NDUFAF6: variants seen among roughly 807,000 people sequenced by gnomAD.
NDUFAF6 encodes the protein NADH dehydrogenase (ubiquinone) complex I, assembly factor 6.
NDUFAF6 carries 45 observed loss-of-function variants against 40.8 expected under a neutral mutation model. That is an observed-to-expected ratio of 1.10 (90% CI 0.87 to 1.42). NDUFAF6 has a LOEUF of 1.42. Among genes scored for constraint, NDUFAF6 ranks in the 40% most tolerant of loss-of-function variants. The pLI, the probability that NDUFAF6 is intolerant of heterozygous loss-of-function variation, is 0.00. For synonymous variants in NDUFAF6, 185 were observed against 155.9 expected, an observed-to-expected ratio of 1.19 and a Z score of -1.39; for missense variants, 435 against 418.5, an observed-to-expected ratio of 1.04 and a Z score of -0.34.
intron 2 of NDUFAF6, among the ~76,000 whole-genome samples, chr8:95,094,251 C>T (rs554609484): frequency 2.0e-5 from 3 of 152,252 alleles, no homozygotes; most frequent in East Asian, 3.9e-4. Context: ...GGATTATAGG[C>T]GTGAGCCACC....
chr8:95,085,936 TC>T (rs1455394161), intron 2 of NDUFAF6, among the ~76,000 whole-genome samples: 2 of 152,210 alleles, frequency 1.3e-5, no homozygotes, highest in Non-Finnish European at 2.9e-5. Flanking sequence ...TGATCTATTC[TC>T]CTAGTATTTG....
At chr8:95,016,945 T>C (rs1827477974) in intron 2 of NDUFAF6, among the ~76,000 whole-genome samples, 1 of 149,026 alleles carries the variant, frequency 6.7e-6, no homozygotes, top group South Asian at 2.2e-4. Flanking sequence ...TTTTTTTTTT[T>C]TTTTTTGAGA....
intron 8 of NDUFAF6, among the ~76,000 whole-genome samples, chr8:95,054,889 A>G (rs892084151): frequency 2.0e-5 from 3 of 152,218 alleles, no homozygotes; most frequent in Admixed American, 1.3e-4. Flanking sequence ...TTGTTCAAGG[A>G]AAGGATTTGC....
At chr8:95,010,476 T>G (rs1214802839) in intron 2 of NDUFAF6, among the ~76,000 whole-genome samples, 1 of 152,220 alleles carries the variant, frequency 6.6e-6, no homozygotes, top group Non-Finnish European at 1.5e-5. Context: ...TCCTTTCTAA[T>G]TTTAAAATTG....
At chr8:95,116,049 A>C (rs1367277088) in intron 5 of NDUFAF6, among the ~76,000 whole-genome samples, 1 of 152,088 alleles carries the variant, frequency 6.6e-6, no homozygotes, top group Non-Finnish European at 1.5e-5. Flanking sequence ...GAGGCGGAAG[A>C]ATCGCTTGAA....
chr8:94,973,222 A>G (rs1824618424), intron 1 of NDUFAF6, among the ~76,000 whole-genome samples: 1 of 152,218 alleles, frequency 6.6e-6, no homozygotes, highest in African/African-American at 2.4e-5. Context: ...TAAGCAAGCT[A>G]CTTAATTTCA....
At chr8:95,050,009 A>G (rs1409639085) in intron 7 of NDUFAF6, among the ~76,000 whole-genome samples, 1 of 152,216 alleles carries the variant, frequency 6.6e-6, no homozygotes, top group Non-Finnish European at 1.5e-5. Flanking sequence ...AATTTCATGA[A>G]TATCTAACAG....
chr8:94,950,469 A>G, intron 2 of NDUFAF6: 1 of 152,254 alleles, frequency 6.6e-6, no homozygotes, highest in Non-Finnish European at 1.5e-5. Context: ...TGCCTATCAC[A>G]CATTACAGTA....
At chr8:95,072,560 C>T (rs1832902650) in intron 9 of NDUFAF6, among the ~76,000 whole-genome samples, 1 of 152,158 alleles carries the variant, frequency 6.6e-6, no homozygotes, top group Non-Finnish European at 1.5e-5. Flanking sequence ...GGCTTGGAAC[C>T]CTGACCAGCA....
Position 95,028,881 on chromosome 8 carries a change from C to T in NDUFAF6, c.198-3114C>T, listed in dbSNP as rs557470470. Among the ~76,000 whole-genome samples, 5 of 152,282 alleles carry T rather than the reference C, an allele frequency of 3.3e-5. No homozygotes were observed. In the South Asian group the frequency reaches 1.0e-3, roughly 32 times the overall value. On this transcript the variant is annotated intron_variant, in intron 1 of 8. Transcript: ENST00000396124. Reference sequence around the variant, plus strand: ...CAAAATACAATTTAAAAAATGTCAACTATAGAGCTGCTTTGCCTTCGCTGT... The same window carrying T: ...CAAAATACAATTTAAAAAATGTCAATTATAGAGCTGCTTTGCCTTCGCTGT...
chr8:95,105,066 CAGAGAGAGAGAGAGAGAGAGAGAGAGAG>C (rs55705930), downstream of NDUFAF6, among the ~76,000 whole-genome samples: 1 of 72,886 alleles, frequency 1.4e-5, no homozygotes, highest in African/African-American at 4.1e-5. Flanking sequence ...CACACACACA[CAGAGAGAGAGAGAGAGAGAGAGAGAGAG>C]AGAGAGAGAG....
upstream of NDUFAF6, among the ~76,000 whole-genome samples, chr8:95,024,816 T>C (rs1827868502): frequency 6.6e-6 from 1 of 152,182 alleles, no homozygotes; most frequent in African/African-American, 2.4e-5. Flanking sequence ...GGGTCTTTCC[T>C]GGAACGAAGG....
At chr8:94,950,330 A>G (rs1822479313) in intron 2 of NDUFAF6, 1 of 152,310 alleles carries the variant, frequency 6.6e-6, no homozygotes, top group Non-Finnish European at 1.5e-5. Context: ...TGTCCCACAT[A>G]TAGGTGGATT....
At chr8:95,014,790 C>T (rs1827371744) in intron 2 of NDUFAF6, among the ~76,000 whole-genome samples, 2 of 152,210 alleles carry the variant, frequency 1.3e-5, no homozygotes, top group Non-Finnish European at 2.9e-5. Flanking sequence ...AATCTGTCTC[C>T]TTTTATTCCT....
rs1399757331 is a variant in NDUFAF6, at chr8:95,025,019, C to G, written c.11C>G (p.Ser4Cys). ...CGCAGTGCCGGCGTCATGGCGGCCT[C>G]CGCGCACGGCTCTGTCTGGGGGCCG... MAA[S>C]AHGSVWGPLR... The change falls in exon 1 of 9, where the codon TCC (serine) becomes TGC (cysteine). Residue 4 changes from serine to cysteine, a missense_variant. Physicochemically the swap from Ser to Cys is moderately radical, Grantham distance 112 (BLOSUM62 -1). Transcript: ENST00000396124. The G allele has an allele frequency of 1.9e-5, 26 of 1,345,486 alleles. No individual in the cohort carries two copies. Among genetic ancestry groups the G allele is most frequent in the Non-Finnish European group, 2.4e-5 (25 of 1,056,818 alleles). 83.3% of individuals were successfully genotyped at this position (1,345,486 alleles called of 1,614,324 possible).
chr8:94,973,505 G>C (rs1204013704), intron 1 of NDUFAF6, among the ~76,000 whole-genome samples: 1 of 152,076 alleles, frequency 6.6e-6, no homozygotes, highest in Non-Finnish European at 1.5e-5. Flanking sequence ...TCAGGAGATC[G>C]AGACCATCCT....
At chr8:95,036,167 G>T (rs1223677325) in intron 3 of NDUFAF6, 1 of 564,062 alleles carries the variant, frequency 1.8e-6, no homozygotes, top group East Asian at 7.3e-5. Context: ...ACCATAAATG[G>T]TTTTATAGTA....
At chr8:94,958,059 C>T (rs531478926) in exon 1 of NDUFAF6, 1 of 152,638 alleles carries the variant, frequency 6.6e-6, no homozygotes, top group East Asian at 1.9e-4. Flanking sequence ...TCCAGCACAA[C>T]AGATGGTGGT....
chr8:95,028,967 CT>C (rs1280443784), intron 1 of NDUFAF6, among the ~76,000 whole-genome samples: 4 of 152,086 alleles, frequency 2.6e-5, no homozygotes, highest in Non-Finnish European at 5.9e-5. Context: ...AGGGTGAGAT[CT>C]TTTTAGCAGT....
Sources: allele counts gnomAD v4.1 joint callset (sites outside exome capture counted in the v4.1 genomes callset), GRCh38; gene constraint gnomAD v4.1.1; transcripts MANE v1.5; gene names NCBI Gene and HGNC (gene_info 2026-07-23, HGNC 2026-07-21).